GAB1: variants seen among roughly 807,000 people sequenced by gnomAD.
GAB1 encodes the protein GRB2-associated-binding protein 1.
A neutral mutation model predicts 66.5 loss-of-function variants in GAB1; 19 were observed. The observed-to-expected ratio is 0.29, with a 90% confidence interval of 0.20 to 0.42. The LOEUF is 0.42. GAB1 is among the 10% of genes least tolerant of loss of function. The pLI is 1.00. For missense variants in GAB1, 732 were observed against 858.5 expected (o/e 0.85, Z 1.84); for synonymous variants, 294 against 301.4 (o/e 0.98, Z 0.25).
chr4:143,347,409 C>T (rs1265626518), intron 1 of GAB1, among the ~76,000 whole-genome samples: 1 of 152,188 alleles, frequency 6.6e-6, no homozygotes, highest in African/African-American at 2.4e-5. Context: ...TCTAATTACA[C>T]ATATCTCCTT....
Position 143,469,150 on chromosome 4 carries a change from G to A in GAB1, c.2046G>A (p.Gln682=), listed in dbSNP as rs762305313. 1.2e-6 allele frequency: 2 copies of A among 1,614,026 alleles called. No individual in the cohort carries two copies. Among genetic ancestry groups the A allele is most frequent in the African/African-American group, 1.3e-5 (1 of 74,930 alleles). ...STREAWTDGR[Q]STESETPAKS... Reference sequence around the variant, plus strand: ...GGGAAGCCTGGACAGATGGGAGACAGTCCACAGAATCAGAAACGCCAGCGA... The same window carrying A: ...GGGAAGCCTGGACAGATGGGAGACAATCCACAGAATCAGAAACGCCAGCGA... Residue 682 remains glutamine, a synonymous_variant, in exon 10 of 10, where the codon CAG becomes CAA. Coordinates refer to ENST00000262994, the MANE Select transcript of GAB1 (RefSeq NM_002039.4).
intron 6 of GAB1, among the ~76,000 whole-genome samples, chr4:143,454,063 T>C (rs1376798078): frequency 6.6e-6 from 1 of 152,086 alleles, no homozygotes; most frequent in Non-Finnish European, 1.5e-5. Context: ...ATATTGATAG[T>C]GAAAGAATGT....
intron 1 of GAB1, among the ~76,000 whole-genome samples, chr4:143,370,755 G>A (rs1730085729): frequency 6.6e-6 from 1 of 152,118 alleles, no homozygotes. Flanking sequence ...GTGTCCACAT[G>A]TTCTCATTGT....
At chr4:143,437,710 C>T (rs1734006626) in intron 3 of GAB1, among the ~76,000 whole-genome samples, 2 of 152,034 alleles carry the variant, frequency 1.3e-5, no homozygotes, top group Admixed American at 1.3e-4. Flanking sequence ...AATTCCAGTG[C>T]TTCAGGGATT....
At chr4:143,416,926 A>G (rs1732724170) in intron 2 of GAB1, among the ~76,000 whole-genome samples, 1 of 152,222 alleles carries the variant, frequency 6.6e-6, no homozygotes, top group Admixed American at 6.5e-5. Flanking sequence ...TAAATAGGTT[A>G]TGAAGTTAGG....
intron 6 of GAB1, among the ~76,000 whole-genome samples, chr4:143,450,360 A>G (rs1374366593): frequency 6.6e-6 from 1 of 152,212 alleles, no homozygotes; most frequent in Non-Finnish European, 1.5e-5. Flanking sequence ...AACTTTGGGA[A>G]GAGTAAAAAA....
At chr4:143,391,937 ATTC>A (rs1316492901) in intron 1 of GAB1, among the ~76,000 whole-genome samples, 1 of 152,170 alleles carries the variant, frequency 6.6e-6, no homozygotes, top group African/African-American at 2.4e-5. Context: ...ACGTTACTTT[ATTC>A]TTGTGTTTTT....
At chr4:143,388,657 C>T (rs957905352) in intron 1 of GAB1, among the ~76,000 whole-genome samples, 15 of 152,218 alleles carry the variant, frequency 9.9e-5, no homozygotes, top group African/African-American at 3.1e-4. Flanking sequence ...TCAGGTGATC[C>T]GCCCACCTCC....
In GAB1 at chr4:143,468,906, A is replaced by G. The variant is rs575796694; in HGVS notation, c.1927-125A>G. 25 of 966,528 alleles carry G rather than the reference A, an allele frequency of 2.6e-5. No homozygotes were observed. In the African/African-American group the frequency reaches 3.6e-4, roughly 14 times the overall value. The allele number at this position is 966,528 out of a possible 1,614,324, so 59.9% of individuals were successfully genotyped here. A position where few individuals can be genotyped will look rare whatever the true frequency, so the allele number is the denominator to read the frequency against. ...CCACTGCACTCCATCCTGGGCAACA[A>G]GAGCAAAACTCCTTCTCAAAAAAAA... On this transcript the variant is annotated intron_variant, in intron 9 of 9. Coordinates refer to ENST00000262994, the MANE Select transcript of GAB1 (RefSeq NM_002039.4).
At chr4:143,387,802 C>T (rs1730987457) in intron 1 of GAB1, among the ~76,000 whole-genome samples, 1 of 152,148 alleles carries the variant, frequency 6.6e-6, no homozygotes, top group Non-Finnish European at 1.5e-5. Context: ...AAAGCCAAGC[C>T]TCTAAGGTCC....
chr4:143,408,093 T>A (rs555410608), intron 1 of GAB1, among the ~76,000 whole-genome samples: 1 of 152,274 alleles, frequency 6.6e-6, no homozygotes, highest in South Asian at 2.1e-4. Flanking sequence ...TAAAATAAAG[T>A]CGTGACTCTT....
rs145406581 is a variant in GAB1 at position 143,439,848 on chromosome 4, T to G, written c.1242T>G (p.Ser414Arg). 5.0e-6 allele frequency: 8 copies of G among 1,613,542 alleles called. No individual in the cohort carries two copies. Among genetic ancestry groups the G allele is most frequent in the African/African-American group, 1.3e-5 (1 of 74,916 alleles). ...ATGATATTCCACGAGCATTTCCAAG[T>G]GATAGATCTAGTTCACTTGAAGGCT... ...DCYDIPRAFP[S>R]DRSSSLEGFH... Residue 414 changes from serine to arginine, a missense_variant, in exon 5 of 10, where the codon AGT becomes AGG. Transcript: ENST00000262994.
intron 1 of GAB1, among the ~76,000 whole-genome samples, chr4:143,361,180 A>G (rs1160386718): frequency 6.6e-6 from 1 of 152,156 alleles, no homozygotes; most frequent in Non-Finnish European, 1.5e-5. Context: ...CCAGAAAGTA[A>G]CTGTGGATGC....
chr4:143,449,739 T>G (rs1444975711), intron 6 of GAB1, among the ~76,000 whole-genome samples: 2 of 152,220 alleles, frequency 1.3e-5, no homozygotes, highest in South Asian at 2.1e-4. Context: ...CTTGACTCTT[T>G]ATCCAATTTG....
At chr4:143,370,817 C>G (rs551094673) in intron 1 of GAB1, among the ~76,000 whole-genome samples, 8 of 152,092 alleles carry the variant, frequency 5.3e-5, no homozygotes, top group Non-Finnish European at 7.3e-5. Flanking sequence ...TCTGTCCTTG[C>G]GATAGTTTGC....
At chr4:143,449,289 G>A (rs1734758785) in intron 6 of GAB1, among the ~76,000 whole-genome samples, 3 of 151,846 alleles carry the variant, frequency 2.0e-5, no homozygotes, top group Non-Finnish European at 2.9e-5. Flanking sequence ...GGAGAGTTCT[G>A]TAGATGTCTA....
chr4:143,437,854 C>T, intron 3 of GAB1, 145 bp from the exon 4 acceptor site: 3 of 792,942 alleles, frequency 3.8e-6, no homozygotes, highest in Non-Finnish European at 6.0e-6. Flanking sequence ...GGCTAAAGAA[C>T]ATTTGTGCTT....
chr4:143,337,205 T>G lies in GAB1; in HGVS notation c.17T>G (p.Val6Gly). The G allele has an allele frequency of 6.3e-7, 1 of 1,583,490 alleles. No individual in the cohort carries two copies. The highest frequency in any genetic ancestry group is 8.6e-7 in the Non-Finnish European group (1 of 1,164,754). The change falls in exon 1 of 10, where the codon GTG becomes GGG. Residue 6 changes from valine (V) to glycine (G), a missense_variant. Coordinates refer to ENST00000262994, the MANE Select transcript of GAB1 (RefSeq NM_002039.4). The stretch of plus-strand genomic sequence containing the variant: ...GCGCGCACCATGAGCGGTGGTGAAG[T>G]GGTCTGCTCCGGATGGCTCCGCAAG... MSGGE[V>G]VCSGWLRKSP...
Position 143,459,386 on chromosome 4 carries a change from C to G in GAB1, c.1587C>G (p.Val529=), listed in dbSNP as rs1436708907. 11 of 1,592,626 alleles carry G rather than the reference C, an allele frequency of 6.9e-6. No homozygotes were observed. Among genetic ancestry groups the G allele is most frequent in the Non-Finnish European group, 9.5e-6 (11 of 1,161,204 alleles). ...CTCTTTTTCTCTTTTTCTTTTCAGTCAAGCCAGCGCCTTTAGAAATAAAAC... is the reference window on the plus strand; with the variant it reads ...CTCTTTTTCTCTTTTTCTTTTCAGTGAAGCCAGCGCCTTTAGAAATAAAAC... ...VDRNLKPDRK[V]KPAPLEIKPL... The change falls in exon 7 of 10, where the codon GTC becomes GTG. Residue 529 remains valine, a splice_region_variant and synonymous_variant. Transcript: ENST00000262994.
Sources: gnomAD v4.1 joint callset for allele counts (sites outside exome capture counted in the v4.1 genomes callset) on GRCh38, gnomAD v4.1.1 for gene constraint, MANE v1.5 for transcripts, NCBI Gene and HGNC (gene_info 2026-07-23, HGNC 2026-07-21) for gene names.